The following CDK18 variants were observed in gnomAD, a reference collection of about 807,000 sequenced individuals.
The protein encoded by CDK18 is cyclin dependent kinase 18.
CDK18 carries 52 observed loss-of-function variants against 62.0 expected under a neutral mutation model. The observed-to-expected ratio is 0.84, with a 90% CI of 0.67 to 1.06. The LOEUF (loss-of-function observed/expected upper bound fraction) is 1.06, where lower values mean the gene tolerates loss of function less well. CDK18 is among the 50% of genes least tolerant of loss of function. The pLI is 0.00. For synonymous variants in CDK18, 237 were observed against 247.0 expected (o/e 0.96, Z 0.38); for missense variants, 604 against 619.9 (o/e 0.97, Z 0.27).
intron 1 of CDK18, among the ~76,000 whole-genome samples, chr1:205,507,414 G>A (rs1667358721): frequency 1.3e-5 from 2 of 151,490 alleles, no homozygotes; most frequent in South Asian, 4.2e-4. Context: ...GACGGATCAC[G>A]AGGTCAGGAG....
At chr1:205,507,651 A>T (rs1332645268) in intron 1 of CDK18, among the ~76,000 whole-genome samples, 3 of 151,446 alleles carry the variant, frequency 2.0e-5, no homozygotes, top group Admixed American at 6.6e-5. Context: ...AAAAAAAAAA[A>T]AAAAAAAAAA....
chr1:205,525,563 T>C (rs1443181937), intron 5 of CDK18, among the ~76,000 whole-genome samples: 1 of 152,194 alleles, frequency 6.6e-6, no homozygotes, highest in Non-Finnish European at 1.5e-5. Flanking sequence ...CTCTGTCCAA[T>C]GAGACAGTAA....
intron 1 of CDK18, among the ~76,000 whole-genome samples, chr1:205,519,346 G>T (rs190096608): frequency 8.8e-5 from 13 of 147,862 alleles, no homozygotes; most frequent in African/African-American, 2.8e-4. Flanking sequence ...ACCCTGCTGG[G>T]TTCAATGCCC....
At chr1:205,507,633 CAAAAAAAAAAAAAAAA>C (rs56313401) in intron 1 of CDK18, among the ~76,000 whole-genome samples, 3 of 72,198 alleles carry the variant, frequency 4.2e-5, no homozygotes, top group South Asian at 4.8e-4. Flanking sequence ...GACTCCGTCT[CAAAAAAAAAAAAAAAA>C]AAAAAAAAAA....
chr1:205,525,965 GC>G, intron 5 of CDK18, 99 bp from the exon 6 acceptor site: 1 of 763,976 alleles, frequency 1.3e-6, no homozygotes, highest in Non-Finnish European at 2.2e-6. Context: ...GGGCACTCAG[GC>G]CCCAGTCGTA....
chr1:205,524,919 G>A (rs1042308644), intron 4 of CDK18, among the ~76,000 whole-genome samples: 1 of 152,104 alleles, frequency 6.6e-6, no homozygotes, highest in Non-Finnish European at 1.5e-5. Context: ...ACAATCCCAG[G>A]TGCCACAGCT....
chr1:205,528,801 G>C lies in CDK18; in HGVS notation c.975-198G>C. On this transcript the variant is annotated intron_variant, in intron 10 of 15. Transcript: ENST00000429964. This position sits in a 1 kb window ranked among gnomAD's most constrained non-coding sequence, Gnocchi z 4.2. ...GAAAGTCGCAGCTTTCCCGAGCCCA[G>C]GGAAGCCCCCCAGAGAGGGGCTGTA... 1 of 472,842 alleles carries C rather than the reference G, an allele frequency of 2.1e-6. No homozygotes were observed. Among genetic ancestry groups the C allele is most frequent in the Non-Finnish European group, 3.8e-6 (1 of 266,508 alleles). The allele number at this position is 472,842 out of a possible 1,614,324, so 29.3% of individuals were successfully genotyped here.
In CDK18 at chr1:205,527,010, CT is replaced by C; in HGVS notation, c.729+176del. On this transcript the variant is annotated intron_variant, in intron 8 of 15. Coordinates refer to ENST00000429964, the MANE Select transcript of CDK18 (RefSeq NM_212502.3). This position sits in a 1 kb window ranked among gnomAD's most constrained non-coding sequence, Gnocchi z 4.1. ...ACGAGTCCAGGAACTGGGTTGAGCGCTTTACCCCAAGAACAGACACACACTG... is the reference window on the plus strand; with the variant it reads ...ACGAGTCCAGGAACTGGGTTGAGCGCTTACCCCAAGAACAGACACACACTG... 1.6e-6 allele frequency: 1 copy of C among 614,308 alleles called. No individual in the cohort carries two copies. 38.1% of individuals were successfully genotyped at this position (614,308 alleles called of 1,614,324 possible). A position where few individuals can be genotyped will look rare whatever the true frequency, so the allele number is the denominator to read the frequency against.
At chr1:205,521,251 G>T (rs558213264) in intron 1 of CDK18, among the ~76,000 whole-genome samples, 1 of 152,108 alleles carries the variant, frequency 6.6e-6, no homozygotes, top group Non-Finnish European at 1.5e-5. Flanking sequence ...TTGCTCTGTC[G>T]CCCAGGCAGG....
At chr1:205,524,201 T>A in intron 3 of CDK18, 31 bp from the exon 4 acceptor site, 2 of 1,613,944 alleles carry the variant, frequency 1.2e-6, no homozygotes, top group South Asian at 2.2e-5. Context: ...AAACCAACAG[T>A]GGTGTCCCCA....
At chr1:205,531,065 C>T (rs1348355367) in intron 15 of CDK18, among the ~76,000 whole-genome samples, 1 of 152,196 alleles carries the variant, frequency 6.6e-6, no homozygotes, top group Non-Finnish European at 1.5e-5. Flanking sequence ...TTCCATGCAT[C>T]GTCTTCTTTA....
chr1:205,523,600 A>G lies in CDK18; in HGVS notation c.248A>G (p.Gln83Arg), dbSNP rs757383800. ...LSPGVQFQRRQNQRRFSMEDV... is the reference protein window; with the variant it reads ...LSPGVQFQRRRNQRRFSMEDV... Reference sequence around the variant, plus strand: ...CCTGGCGTGCAGTTCCAGCGGCGGCAGAACCAGCGCCGCTTCTCCATGGAG... The same window carrying G: ...CCTGGCGTGCAGTTCCAGCGGCGGCGGAACCAGCGCCGCTTCTCCATGGAG... Residue 83 changes from glutamine (Q) to arginine (R), a missense_variant, in exon 3 of 16, where the codon CAG becomes CGG. Gln to Arg is a conservative substitution (Grantham distance 43). Coordinates refer to ENST00000429964, the MANE Select transcript of CDK18 (RefSeq NM_212502.3). The G allele has an allele frequency of 5.1e-6, 8 of 1,579,578 alleles. No homozygotes were observed. In the South Asian group the frequency reaches 9.3e-5, roughly 18 times the overall value.
In CDK18 at chr1:205,529,014, C is replaced by G. The variant is rs765924419; in HGVS notation, c.990C>G (p.Ile330Met). 6.3e-7 allele frequency: 1 copy of G among 1,590,436 alleles called. No homozygotes were observed. The highest frequency in any genetic ancestry group is 1.8e-5 in the Admixed American group (1 of 56,552). The change falls in exon 11 of 16, where the codon ATC becomes ATG. Residue 330 changes from isoleucine to methionine, a missense_variant. Coordinates refer to ENST00000429964, the MANE Select transcript of CDK18 (RefSeq NM_212502.3). ...TPIDMWGVGC[I>M]HYEMATGRPL... ...CTCCTCGCAGGGGCGTGGGCTGCAT[C>G]CACTACGAGATGGCCACAGGGAGGC...
At chr1:205,526,972 G>A (rs1668468303) in intron 8 of CDK18, 135 bp downstream of exon 8, 2 of 704,976 alleles carry the variant, frequency 2.8e-6, no homozygotes, top group South Asian at 3.3e-5. Flanking sequence ...AGAGGGAGAG[G>A]GCAATGCCAT....
In CDK18 at chr1:205,509,042, G is replaced by A. The variant is rs551775006; in HGVS notation, c.-22+4246G>A. On this transcript the variant is annotated intron_variant, in intron 1 of 15. Coordinates refer to ENST00000429964, the MANE Select transcript of CDK18 (RefSeq NM_212502.3). The stretch of plus-strand genomic sequence containing the variant: ...CGTGTGCCTGTAATCCCAGCTACTC[G>A]GGAGGCTGAGGTAGGAGGATCGCTT... Among the ~76,000 whole-genome samples the A allele has an allele frequency of 2.6e-5, 4 of 151,954 alleles. No individual in the cohort carries two copies. In the South Asian group the frequency reaches 6.3e-4, roughly 24 times the overall value.
chr1:205,506,220 C>T (rs967386737), intron 1 of CDK18, among the ~76,000 whole-genome samples: 1 of 152,166 alleles, frequency 6.6e-6, no homozygotes, highest in Non-Finnish European at 1.5e-5. Flanking sequence ...GGTTTGCATC[C>T]TGAAGGCGTT....
chr1:205,526,905 C>T, intron 8 of CDK18, 68 bp downstream of exon 8: 2 of 1,263,392 alleles, frequency 1.6e-6, no homozygotes, highest in Non-Finnish European at 2.3e-6. Context: ...TGTGGGGACC[C>T]ACTCTCACCA....
In CDK18 at chr1:205,517,759, C is replaced by G. The variant is rs2102289391; in HGVS notation, c.-21-5388C>G. Among the ~76,000 whole-genome samples, 1 of 152,178 alleles carries G rather than the reference C, an allele frequency of 6.6e-6. No individual in the cohort carries two copies. The highest frequency in any genetic ancestry group is 1.9e-4 in the East Asian group (1 of 5,174). ...CCACTTCTCACCATCTCCACTGCCC[C>G]CCGCTGGTCCCAGCCACCATCAAGC... On this transcript the variant is annotated intron_variant, in intron 1 of 15. Transcript: ENST00000429964. The surrounding 1 kb of genome is among the most constrained non-coding windows in gnomAD (Gnocchi z 4.1).
rs1394431310 is a variant in CDK18, at chr1:205,526,053, C to T, written c.457-12C>T. 5 of 1,602,224 alleles carry T rather than the reference C, an allele frequency of 3.1e-6. No individual in the cohort carries two copies. The highest frequency in any genetic ancestry group is 4.3e-6 in the Non-Finnish European group (5 of 1,172,294). On this transcript the variant is annotated splice_polypyrimidine_tract_variant and intron_variant, in intron 5 of 15. Coordinates refer to ENST00000429964, the MANE Select transcript of CDK18 (RefSeq NM_212502.3). The stretch of plus-strand genomic sequence containing the variant: ...TGAATGCGCCTGGGGCCGCTGTGGC[C>T]CTCCATCCCAGGGCACCTATGCCAC...
Sources: gnomAD v4.1 joint callset for allele counts (sites outside exome capture counted in the v4.1 genomes callset) on GRCh38, gnomAD v4.1.1 for gene constraint, Gnocchi (gnomAD v3.1) non-coding constraint, MANE v1.5 for transcripts, NCBI Gene and HGNC (gene_info 2026-07-23, HGNC 2026-07-21) for gene names.